Variants in NGF observed in about 807,000 individuals in gnomAD.
NGF encodes the protein nerve growth factor.
A neutral mutation model predicts 12.8 loss-of-function variants in NGF; 4 were observed. That is an observed-to-expected ratio of 0.31 (90% CI 0.15 to 0.72). The LOEUF is 0.72. Among genes scored for constraint, NGF ranks in the 30% least tolerant of loss-of-function variants. The probability of loss-of-function intolerance (pLI) is 0.69; values close to 1 mark genes in which losing one functional copy is unlikely to be tolerated. For missense variants in NGF, 283 were observed against 330.8 expected (o/e 0.86, Z 1.12); for synonymous variants, 140 against 130.0 (o/e 1.08, Z -0.52).
chr1:115,294,826 G>A (rs1653812621), intron 1 of NGF, among the ~76,000 whole-genome samples: 1 of 152,190 alleles, frequency 6.6e-6, no homozygotes, highest in African/African-American at 2.4e-5. Context: ...AAAATGAGCT[G>A]GAGAGCCAGG....
chr1:115,297,038 T>C (rs1373591766), intron 1 of NGF, among the ~76,000 whole-genome samples: 1 of 152,124 alleles, frequency 6.6e-6, no homozygotes, highest in Non-Finnish European at 1.5e-5. Context: ...GATGTACTTC[T>C]TCTAGAGCTT....
intron 1 of NGF, among the ~76,000 whole-genome samples, chr1:115,319,327 C>G (rs1362361319): frequency 6.6e-6 from 1 of 152,164 alleles, no homozygotes; most frequent in Non-Finnish European, 1.5e-5. Context: ...CACTGTTGCT[C>G]TCCACATTCT....
Position 115,286,059 on chromosome 1 carries a change from G to T in NGF, c.*11C>A, listed in dbSNP as rs199812295. Reference sequence around the variant, plus strand: ...TGTAGAAGGGGCAGGGGGAGGGAGCGTGTCGGCAGGTCAGGCTCTTCTCAC... The same window carrying T: ...TGTAGAAGGGGCAGGGGGAGGGAGCTTGTCGGCAGGTCAGGCTCTTCTCAC... On this transcript the variant is annotated 3_prime_UTR_variant, in exon 3 of 3. Coordinates refer to ENST00000369512, the MANE Select transcript of NGF (RefSeq NM_002506.3). The T allele has an allele frequency of 6.2e-7, 1 of 1,612,266 alleles. No individual in the cohort carries two copies. The highest frequency in any genetic ancestry group is 8.5e-7 in the Non-Finnish European group (1 of 1,179,338).
At chr1:115,337,263 T>C (rs200438372) in intron 1 of NGF, among the ~76,000 whole-genome samples, 1 of 82,720 alleles carries the variant, frequency 1.2e-5, no homozygotes, top group African/African-American at 6.4e-5. Flanking sequence ...TTTGTTTTGT[T>C]TTTGTTTTTT....
chr1:115,301,052 A>G (rs1469684844), intron 1 of NGF, among the ~76,000 whole-genome samples: 1 of 152,170 alleles, frequency 6.6e-6, no homozygotes, highest in Non-Finnish European at 1.5e-5. Flanking sequence ...TTCTAAAGTC[A>G]CTTGGTTCTC....
chr1:115,337,267 G>GTTTGTTGTTTTT, intron 1 of NGF, among the ~76,000 whole-genome samples: 1 of 81,030 alleles, frequency 1.2e-5, no homozygotes, highest in African/African-American at 5.3e-5. Flanking sequence ...TTTTGTTTTT[G>GTTTGTTGTTTTT]TTTTTTTTTT....
intron 2 of NGF, among the ~76,000 whole-genome samples, chr1:115,293,220 T>C (rs2747058): frequency 0.81 from 122,772 of 152,040 alleles, 49,862 homozygotes; most frequent in African/African-American, 0.89. Context: ...GTGTGCAGAT[T>C]TGGAACTCTT....
chr1:115,309,235 G>T (rs930763213), intron 1 of NGF, among the ~76,000 whole-genome samples: 11 of 152,094 alleles, frequency 7.2e-5, no homozygotes, highest in Non-Finnish European at 1.0e-4. Flanking sequence ...AGCAAGCCAG[G>T]ACTTGGTAAT....
chr1:115,293,153 A>T (rs1454397126), intron 2 of NGF, among the ~76,000 whole-genome samples: 1 of 152,202 alleles, frequency 6.6e-6, no homozygotes, highest in Non-Finnish European at 1.5e-5. Flanking sequence ...AGTAAGATTA[A>T]GTAATTGCAT....
At chr1:115,295,628 C>T (rs890782850) in intron 1 of NGF, among the ~76,000 whole-genome samples, 4 of 152,200 alleles carry the variant, frequency 2.6e-5, no homozygotes, top group Non-Finnish European at 5.9e-5. Context: ...ATTCAGTTCA[C>T]TCTGAGCTTT....
chr1:115,299,980 G>A (rs1208499651), intron 1 of NGF, among the ~76,000 whole-genome samples: 1 of 152,158 alleles, frequency 6.6e-6, no homozygotes, highest in Admixed American at 6.5e-5. Flanking sequence ...GGAGTCTCCA[G>A]GCTACTGCAG....
At chr1:115,331,952 A>T (rs1183632900) in intron 1 of NGF, among the ~76,000 whole-genome samples, 2 of 152,202 alleles carry the variant, frequency 1.3e-5, no homozygotes, top group Non-Finnish European at 2.9e-5. Flanking sequence ...GGGCGAGGAC[A>T]ATCTTCCCCT....
intron 1 of NGF, among the ~76,000 whole-genome samples, chr1:115,333,777 A>C (rs1017164079): frequency 2.6e-5 from 2 of 77,242 alleles, no homozygotes; most frequent in Non-Finnish European, 4.7e-5. Flanking sequence ...CTCTTTCTTC[A>C]TTCCTTCCTT....
At chr1:115,303,609 C>T (rs539438476) in intron 1 of NGF, among the ~76,000 whole-genome samples, 37 of 152,298 alleles carry the variant, frequency 2.4e-4, no homozygotes, top group Admixed American at 7.2e-4. Flanking sequence ...ACCACCACCA[C>T]CAGCATTACC....
chr1:115,317,299 T>G (rs1654498904), intron 1 of NGF, among the ~76,000 whole-genome samples: 1 of 152,182 alleles, frequency 6.6e-6, no homozygotes, highest in Admixed American at 6.5e-5. Flanking sequence ...CAGGCACATC[T>G]GCTCTGTCTC....
At chr1:115,335,979 C>T (rs1026210777) in intron 1 of NGF, among the ~76,000 whole-genome samples, 1 of 152,138 alleles carries the variant, frequency 6.6e-6, no homozygotes, top group Non-Finnish European at 1.5e-5. Flanking sequence ...CCTGCCCTAC[C>T]CTACTCTCCC....
intron 1 of NGF, among the ~76,000 whole-genome samples, chr1:115,316,474 T>C (rs1654478504): frequency 6.6e-6 from 1 of 152,212 alleles, no homozygotes; most frequent in African/African-American, 2.4e-5. Context: ...ATATAGCTAA[T>C]GATAGCTACA....
At chr1:115,300,449 A>G (rs907728716) in intron 1 of NGF, among the ~76,000 whole-genome samples, 2 of 152,192 alleles carry the variant, frequency 1.3e-5, no homozygotes, top group African/African-American at 2.4e-5. Flanking sequence ...GCTGGACTTC[A>G]GTTTCACTGC....
At chr1:115,294,985 A>G (rs570532201) in intron 1 of NGF, among the ~76,000 whole-genome samples, 2 of 152,284 alleles carry the variant, frequency 1.3e-5, no homozygotes, top group African/African-American at 4.8e-5. Flanking sequence ...TGTAGGGTGG[A>G]GATGCCCTCC....
Sources: gnomAD v4.1 joint callset for allele counts (sites outside exome capture counted in the v4.1 genomes callset) on GRCh38, gnomAD v4.1.1 for gene constraint, MANE v1.5 for transcripts, NCBI Gene and HGNC (gene_info 2026-07-23, HGNC 2026-07-21) for gene names.